Variants in AZIN2 observed in about 807,000 individuals in gnomAD.
AZIN2 encodes antizyme inhibitor 2.
In AZIN2, 28 loss-of-function variants were observed where a neutral mutation model predicts 47.8. The ratio of observed to expected loss-of-function variants is 0.59; its 90% confidence interval spans 0.43 to 0.80. The LOEUF is 0.80. Ranked by LOEUF, AZIN2 falls within the 30% of genes least tolerant of loss-of-function variation. The pLI is 0.00. For missense variants in AZIN2, 535 were observed against 582.5 expected (o/e 0.92, Z 0.84); for synonymous variants, 221 against 239.4 (o/e 0.92, Z 0.71).
chr1:33,130,476 T>A, the AZIN2 span, among the ~76,000 whole-genome samples: 1 of 152,258 alleles, frequency 6.6e-6, no homozygotes, highest in Middle Eastern at 3.4e-3. Flanking sequence ...GGTCTATGTG[T>A]CAAAGAACAG....
downstream of AZIN2, among the ~76,000 whole-genome samples, chr1:33,123,952 C>T (rs1644838433): frequency 6.6e-6 from 1 of 151,866 alleles, no homozygotes; most frequent in Non-Finnish European, 1.5e-5. Flanking sequence ...GCTGAGATCA[C>T]ACCACTACAC....
chr1:33,120,570 T>G lies in AZIN2; in HGVS notation c.*388T>G, dbSNP rs74066256. Reference sequence around the variant, plus strand: ...GTTTGATTCACAAAGCAGCCTGGGCTAGGCCTGGGGCAGGATTTCCCCATC... The same window carrying G: ...GTTTGATTCACAAAGCAGCCTGGGCGAGGCCTGGGGCAGGATTTCCCCATC... On this transcript the variant is annotated 3_prime_UTR_variant, in exon 12 of 12. Transcript: ENST00000294517. The G allele has an allele frequency of 8.4e-3, 1,537 of 182,002 alleles. 25 individuals carry two copies. Among genetic ancestry groups the G allele is most frequent in the African/African-American group, 0.034 (1,419 of 42,074 alleles). The allele number at this position is 182,002 out of a possible 1,614,324, so 11.3% of individuals were successfully genotyped here.
At chr1:33,126,680 C>T (rs1644858504), downstream of AZIN2, among the ~76,000 whole-genome samples, 1 of 152,126 alleles carries the variant, frequency 6.6e-6, no homozygotes. Flanking sequence ...GCTCCATACA[C>T]TAGTGAGCCC....
chr1:33,115,026 T>G (rs1644474339), intron 10 of AZIN2, among the ~76,000 whole-genome samples: 1 of 152,176 alleles, frequency 6.6e-6, no homozygotes, highest in Non-Finnish European at 1.5e-5. Flanking sequence ...GACCTTGTTT[T>G]TTCTGTGGCT....
chr1:33,126,385 C>A (rs1644856900), downstream of AZIN2, among the ~76,000 whole-genome samples: 1 of 152,204 alleles, frequency 6.6e-6, no homozygotes, highest in Non-Finnish European at 1.5e-5. Context: ...AAATACTTGT[C>A]TTCCTGCGTA....
At chr1:33,127,220 T>A (rs1644862706), downstream of AZIN2, among the ~76,000 whole-genome samples, 1 of 152,242 alleles carries the variant, frequency 6.6e-6, no homozygotes, top group Non-Finnish European at 1.5e-5. Context: ...AACGATTGCC[T>A]GGCGGAACCA....
At chr1:33,099,319 G>T (rs369253811) in intron 10 of AZIN2, among the ~76,000 whole-genome samples, 29 of 152,160 alleles carry the variant, frequency 1.9e-4, no homozygotes, top group African/African-American at 7.0e-4. Flanking sequence ...CCCTAGATGT[G>T]CTTGATGGAG....
intron 10 of AZIN2, among the ~76,000 whole-genome samples, chr1:33,108,185 T>A (rs1644108813): frequency 6.6e-6 from 1 of 152,092 alleles, no homozygotes; most frequent in Non-Finnish European, 1.5e-5. Context: ...GCATTTACGG[T>A]CAATTGATCT....
At chr1:33,106,162 A>G (rs1198400468) in intron 10 of AZIN2, among the ~76,000 whole-genome samples, 2 of 152,244 alleles carry the variant, frequency 1.3e-5, no homozygotes, top group Non-Finnish European at 2.9e-5. Context: ...GAAATTGGAT[A>G]ACCTAGGCAA....
chr1:33,109,066 G>C (rs1644160352), intron 10 of AZIN2, among the ~76,000 whole-genome samples: 1 of 152,180 alleles, frequency 6.6e-6, no homozygotes, highest in African/African-American at 2.4e-5. Flanking sequence ...TTGGCCATTT[G>C]AGTAAGTGTT....
the AZIN2 span, among the ~76,000 whole-genome samples, chr1:33,148,933 A>G: frequency 1.3e-5 from 2 of 152,160 alleles, no homozygotes; most frequent in African/African-American, 2.4e-5. Flanking sequence ...GTCGTCTGCA[A>G]TCTAGCGCCA....
chr1:33,094,223 A>C lies in AZIN2; in HGVS notation c.588-325A>C, dbSNP rs553767741. Reference sequence around the variant, plus strand: ...CCCCGCATTATAGGTGGGGAAACTAAAACAAAGCTGAGTAAGCTGCCAAGG... The same window carrying C: ...CCCCGCATTATAGGTGGGGAAACTACAACAAAGCTGAGTAAGCTGCCAAGG... On this transcript the variant is annotated intron_variant, in intron 7 of 11. Coordinates refer to ENST00000294517, the MANE Select transcript of AZIN2 (RefSeq NM_052998.4). Among the ~76,000 whole-genome samples, 24 of 152,262 alleles carry C rather than the reference A, an allele frequency of 1.6e-4. 1 individual carries two copies. Among genetic ancestry groups the C allele is most frequent in the Middle Eastern group, 6.8e-3 (2 of 294 alleles).
At chr1:33,150,912 G>A in the AZIN2 span, among the ~76,000 whole-genome samples, 5 of 152,198 alleles carry the variant, frequency 3.3e-5, no homozygotes, top group African/African-American at 1.2e-4. Context: ...AACAGCAGCA[G>A]TTCAGAGTGC....
downstream of AZIN2, among the ~76,000 whole-genome samples, chr1:33,123,646 C>T (rs1376390167): frequency 2.6e-5 from 4 of 152,280 alleles, no homozygotes; most frequent in Non-Finnish European, 5.9e-5. Flanking sequence ...TGGTGGATCA[C>T]GAGGTCAGGA....
chr1:33,094,994 G>C (rs915248910), intron 8 of AZIN2, among the ~76,000 whole-genome samples: 28 of 152,182 alleles, frequency 1.8e-4, no homozygotes, highest in African/African-American at 6.5e-4. Context: ...TACATAAGTC[G>C]TAAGGCTCTT....
At position 33,098,160 on chromosome 1, in the gene AZIN2, C is replaced by T. The variant is rs367593136; in HGVS notation, c.1010C>T (p.Pro337Leu). ...FNSVLFDNICPTPILQKKPST... is the reference protein window; with the variant it reads ...FNSVLFDNICLTPILQKKPST... ...TCAGTCCTGTTTGACAACATCTGCCCTACCCCCATCCTGCAGAAGGTGAGC... is the reference window on the plus strand; with the variant it reads ...TCAGTCCTGTTTGACAACATCTGCCTTACCCCCATCCTGCAGAAGGTGAGC... Residue 337 changes from proline (P) to leucine (L), a missense_variant, in exon 10 of 12, where the codon CCT (proline) becomes CTT (leucine). Around this residue, in one of 3 missense-constraint regions of AZIN2, gnomAD observed 409 missense variants for 429.0 expected, o/e 0.95. Coordinates refer to ENST00000294517, the MANE Select transcript of AZIN2 (RefSeq NM_052998.4). 1.2e-6 allele frequency: 2 copies of T among 1,612,260 alleles called. No homozygotes were observed. The highest frequency in any genetic ancestry group is 1.7e-6 in the Non-Finnish European group (2 of 1,179,270).
At chr1:33,160,809 G>A in the AZIN2 span, among the ~76,000 whole-genome samples, 2 of 152,202 alleles carry the variant, frequency 1.3e-5, no homozygotes, top group Non-Finnish European at 2.9e-5. Context: ...GCAACGTATT[G>A]AGAAAACCTT....
At position 33,121,585 on chromosome 1, in the gene AZIN2, G is replaced by T. The variant is rs567511602; in HGVS notation, c.*1403G>T. Among the ~76,000 whole-genome samples the T allele has an allele frequency of 2.8e-4, 43 of 152,208 alleles. 1 individual carries two copies. Among genetic ancestry groups the T allele is most frequent in the Admixed American group, 2.7e-3 (42 of 15,292 alleles). Reference sequence around the variant, plus strand: ...TGAGCGAGACCCTGCCTCAAATAAAGAAATAAATAAATAAAGTGGAGAAGT... The same window carrying T: ...TGAGCGAGACCCTGCCTCAAATAAATAAATAAATAAATAAAGTGGAGAAGT... On this transcript the variant is annotated 3_prime_UTR_variant, in exon 12 of 12. Coordinates refer to ENST00000294517, the MANE Select transcript of AZIN2 (RefSeq NM_052998.4).
the AZIN2 span, among the ~76,000 whole-genome samples, chr1:33,151,016 G>T: frequency 3.9e-5 from 6 of 152,230 alleles, no homozygotes; most frequent in South Asian, 8.3e-4. Flanking sequence ...ACTGGTGCGG[G>T]GCGGGGGGTA....
Sources: allele counts gnomAD v4.1 joint callset (sites outside exome capture counted in the v4.1 genomes callset), GRCh38; gene constraint gnomAD v4.1.1; regional missense constraint gnomAD v4.1.1; transcripts MANE v1.5; gene names NCBI Gene and HGNC (gene_info 2026-07-23, HGNC 2026-07-21).